CAV1: variants seen among roughly 807,000 people sequenced by gnomAD.
CAV1 encodes caveolin 1.
A neutral mutation model predicts 16.5 loss-of-function variants in CAV1; 10 were observed. That is an observed-to-expected ratio of 0.61 (90% confidence interval 0.37 to 1.03). The LOEUF (loss-of-function observed/expected upper bound fraction) is 1.03. CAV1 is among the 50% of genes least tolerant of loss of function. CAV1 has a pLI of 0.01. For missense variants in CAV1, 212 were observed against 232.8 expected (o/e 0.91, Z 0.58); for synonymous variants, 76 against 85.1 (o/e 0.89, Z 0.59).
In CAV1 at chr7:116,551,031, A is replaced by C. The variant is rs1006748701; in HGVS notation, c.196-7915A>C. On this transcript the variant is annotated intron_variant, in intron 2 of 2. Coordinates refer to ENST00000341049, the MANE Select transcript of CAV1 (RefSeq NM_001753.5). Reference sequence around the variant, plus strand: ...GGCTGTCAGGAGTGGAGGAGAAAGAATGGCATATGCAAAAAGGAGCTGTAA... The same window carrying C: ...GGCTGTCAGGAGTGGAGGAGAAAGACTGGCATATGCAAAAAGGAGCTGTAA... 2.0e-5 allele frequency among the ~76,000 whole-genome samples: 3 copies of C among 152,240 alleles called. No homozygotes were observed. In the South Asian group the frequency reaches 6.2e-4, roughly 32 times the overall value.
intron 1 of CAV1, 31 bp downstream of exon 1, chr7:116,525,123 G>T: frequency 6.2e-7 from 1 of 1,614,200 alleles, no homozygotes; most frequent in Admixed American, 1.7e-5. Flanking sequence ...GCCGGCTCGG[G>T]CGTGCGGGGA....
In CAV1 at chr7:116,559,536, A is replaced by G. The variant is rs968694006; in HGVS notation, c.*249A>G. On this transcript the variant is annotated 3_prime_UTR_variant, in exon 3 of 3. Coordinates refer to ENST00000341049, the MANE Select transcript of CAV1 (RefSeq NM_001753.5). The stretch of plus-strand genomic sequence containing the variant: ...TCCTTACCTTTTTATTTGCATGTGG[A>G]TCAACCATCGCTTTATTGGCTGAGA... 3 of 597,880 alleles carry G rather than the reference A, an allele frequency of 5.0e-6. No homozygotes were observed. In the African/African-American group the frequency reaches 5.6e-5, roughly 11 times the overall value. 37.0% of individuals were successfully genotyped at this position (597,880 alleles called of 1,614,324 possible). A position where few individuals can be genotyped will look rare whatever the true frequency, so the allele number is the denominator to read the frequency against.
intron 2 of CAV1, among the ~76,000 whole-genome samples, chr7:116,547,338 A>G (rs992511543): frequency 6.6e-6 from 1 of 152,230 alleles, no homozygotes; most frequent in African/African-American, 2.4e-5. Flanking sequence ...TAAAAACCCC[A>G]GGAAAACTCA....
At chr7:116,541,717 G>A (rs1340091394) in intron 2 of CAV1, among the ~76,000 whole-genome samples, 4 of 147,390 alleles carry the variant, frequency 2.7e-5, no homozygotes, top group African/African-American at 1.0e-4. Context: ...TTGTGCCACT[G>A]CATGACAGCC....
At chr7:116,534,384 TATATATATATA>T (rs1367676568) in intron 2 of CAV1, among the ~76,000 whole-genome samples, 194 of 13,536 alleles carry the variant, frequency 0.014, 2 homozygotes, top group African/African-American at 0.045. Flanking sequence ...TATATATATA[TATATATATATA>T]TTTTTTTTTT....
intron 2 of CAV1, among the ~76,000 whole-genome samples, chr7:116,530,631 C>T (rs1214959346): frequency 6.6e-6 from 1 of 152,066 alleles, no homozygotes; most frequent in Non-Finnish European, 1.5e-5. Flanking sequence ...GGCAAAAGCA[C>T]AGGAAGGCAT....
chr7:116,539,223 C>G (rs1255543012), intron 2 of CAV1, among the ~76,000 whole-genome samples: 1 of 152,086 alleles, frequency 6.6e-6, no homozygotes, highest in Non-Finnish European at 1.5e-5. Context: ...TTGTTTTTAT[C>G]TCTGCTGTGG....
intron 2 of CAV1, among the ~76,000 whole-genome samples, chr7:116,534,994 A>G (rs1273892685): frequency 2.0e-5 from 3 of 152,158 alleles, no homozygotes; most frequent in Non-Finnish European, 4.4e-5. Context: ...AACTTGCTCA[A>G]TGGTTCTCCA....
intron 2 of CAV1, among the ~76,000 whole-genome samples, chr7:116,532,193 C>T (rs951873035): frequency 6.6e-6 from 1 of 152,162 alleles, no homozygotes; most frequent in Non-Finnish European, 1.5e-5. Flanking sequence ...GGGTTGGCTA[C>T]ACTTTTAAGG....
intron 2 of CAV1, among the ~76,000 whole-genome samples, chr7:116,550,733 C>G (rs1038636736): frequency 6.6e-6 from 1 of 151,914 alleles, no homozygotes; most frequent in Non-Finnish European, 1.5e-5. Flanking sequence ...GGGTTTGACA[C>G]GTACATTAGG....
chr7:116,531,640 A>C (rs556880084), intron 2 of CAV1, among the ~76,000 whole-genome samples: 17 of 152,352 alleles, frequency 1.1e-4, no homozygotes, highest in Non-Finnish European at 1.9e-4. Context: ...CACAATGTGC[A>C]GGTTAGTTAC....
At position 116,559,342 on chromosome 7, in the gene CAV1, G is replaced by A; in HGVS notation, c.*55G>A. Reference sequence around the variant, plus strand: ...ATTTTTTTTCCTTTTAATTTTCCTGGTGCCAATTTCAAGTTCCAAGTTGCT... The same window carrying A: ...ATTTTTTTTCCTTTTAATTTTCCTGATGCCAATTTCAAGTTCCAAGTTGCT... On this transcript the variant is annotated 3_prime_UTR_variant, in exon 3 of 3. Transcript: ENST00000341049. 1.5e-6 allele frequency: 2 copies of A among 1,366,120 alleles called. No homozygotes were observed. The highest frequency in any genetic ancestry group is 2.1e-6 in the Non-Finnish European group (2 of 965,540). 84.6% of individuals were successfully genotyped at this position (1,366,120 alleles called of 1,614,324 possible).
At chr7:116,548,894 C>T (rs539425731) in intron 2 of CAV1, among the ~76,000 whole-genome samples, 6 of 152,232 alleles carry the variant, frequency 3.9e-5, no homozygotes, top group African/African-American at 9.6e-5. Context: ...TTCCAAGGCC[C>T]GTAAAAGGCT....
chr7:116,541,393 C>T (rs145344482), intron 2 of CAV1, among the ~76,000 whole-genome samples: 151 of 152,224 alleles, frequency 9.9e-4, no homozygotes, highest in Middle Eastern at 3.4e-3. Context: ...ACTGCTCAGA[C>T]GCAATTACCA....
intron 1 of CAV1, 68 bp downstream of exon 1, chr7:116,525,160 C>T (rs781571528): frequency 6.2e-7 from 1 of 1,614,070 alleles, no homozygotes; most frequent in South Asian, 1.1e-5. Context: ...TCTGCCTCTC[C>T]AAATATCCCG....
intron 2 of CAV1, 56 bp from the exon 3 acceptor site, chr7:116,558,890 T>C: frequency 7.4e-7 from 1 of 1,354,962 alleles, no homozygotes; most frequent in Non-Finnish European, 1.0e-6. Context: ...GAATAGTGGG[T>C]TTTTTTTCTC....
At chr7:116,544,467 C>A (rs1213870499) in intron 2 of CAV1, among the ~76,000 whole-genome samples, 2 of 152,134 alleles carry the variant, frequency 1.3e-5, no homozygotes, top group African/African-American at 2.4e-5. Flanking sequence ...CACACACATA[C>A]ACACACACTA....
At chr7:116,533,108 A>C (rs1793717359) in intron 2 of CAV1, among the ~76,000 whole-genome samples, 1 of 152,126 alleles carries the variant, frequency 6.6e-6, no homozygotes, top group Non-Finnish European at 1.5e-5. Context: ...TTGGGAGCTC[A>C]AGATTGGTGG....
chr7:116,527,763 C>T (rs1793597932), intron 2 of CAV1, among the ~76,000 whole-genome samples: 1 of 152,124 alleles, frequency 6.6e-6, no homozygotes. Context: ...AATTTCCACC[C>T]ACCACGCCTG....
Sources: gnomAD v4.1 joint callset for allele counts (sites outside exome capture counted in the v4.1 genomes callset) on GRCh38, gnomAD v4.1.1 for gene constraint, MANE v1.5 for transcripts, NCBI Gene and HGNC (gene_info 2026-07-23, HGNC 2026-07-21) for gene names.